Variants in TENM1 observed in about 807,000 individuals in gnomAD.
TENM1 encodes teneurin transmembrane protein 1.
A neutral mutation model predicts 174.8 loss-of-function variants in TENM1; 35 were observed. That is an observed-to-expected ratio of 0.20 (90% CI 0.15 to 0.27). TENM1 has a LOEUF of 0.27. TENM1 is among the 10% of genes least tolerant of loss of function. The probability of loss-of-function intolerance (pLI) is 1.00; values close to 1 mark genes in which losing one functional copy is unlikely to be tolerated. For missense variants in TENM1, 1,633 were observed against 2,130.1 expected (o/e 0.77, Z 4.59); for synonymous variants, 781 against 798.7 (o/e 0.98, Z 0.37).
chrX:125,003,578 G>A, the TENM1 span, among the ~76,000 whole-genome samples: 1 of 111,128 alleles, frequency 9.0e-6, no homozygotes, highest in Non-Finnish European at 1.9e-5. Context: ...GAGTTTGTGG[G>A]CTGCTTTATA....
At chrX:124,658,353 G>A (rs1199526973) in intron 6 of TENM1, among the ~76,000 whole-genome samples, 1 of 111,794 alleles carries the variant, frequency 8.9e-6, no homozygotes, top group Non-Finnish European at 1.9e-5. Flanking sequence ...TGCGCCTGGT[G>A]GGAACTTGGT....
intron 3 of TENM1, among the ~76,000 whole-genome samples, chrX:124,812,249 G>A (rs1189848775): frequency 9.0e-6 from 1 of 111,027 alleles, no homozygotes; most frequent in Admixed American, 9.6e-5. Flanking sequence ...AAAATCTCAT[G>A]TTGTACATGA....
intron 14 of TENM1, among the ~76,000 whole-genome samples, chrX:124,547,962 A>G (rs985431844): frequency 1.8e-5 from 2 of 111,370 alleles, no homozygotes; most frequent in Non-Finnish European, 3.8e-5. Context: ...TCAGCCTCCC[A>G]AGTAGCTGGG....
In TENM1 at chrX:124,926,228, G is replaced by A. The variant is rs60311601; in HGVS notation, c.218-29987C>T. 7.9e-3 allele frequency among the ~76,000 whole-genome samples: 882 copies of A among 112,124 alleles called. 7 individuals are homozygous for A. Among genetic ancestry groups the A allele is most frequent in the African/African-American group, 0.026 (804 of 30,914 alleles). On this transcript the variant is annotated intron_variant, in intron 1 of 31. Transcript: ENST00000422452. The stretch of plus-strand genomic sequence containing the variant: ...GGGATTTGAACTCAGGCAGATGCAA[G>A]TTGCAATTCTAACTCTGTCACATAA...
the TENM1 span, among the ~76,000 whole-genome samples, chrX:125,180,946 A>G: frequency 1.6e-4 from 18 of 111,536 alleles, no homozygotes; most frequent in Non-Finnish European, 2.3e-4. Flanking sequence ...CCACACTCAC[A>G]TGCCTGGTCC....
chrX:125,071,895 T>G, the TENM1 span, among the ~76,000 whole-genome samples: 1 of 111,209 alleles, frequency 9.0e-6, no homozygotes, highest in African/African-American at 3.3e-5. Context: ...TATATAAGTA[T>G]AAATATAATG....
chrX:125,083,346 T>C, the TENM1 span, among the ~76,000 whole-genome samples: 1 of 111,088 alleles, frequency 9.0e-6, no homozygotes, highest in Non-Finnish European at 1.9e-5. Context: ...ATCCTCCTTC[T>C]AGTCCAGTTT....
intron 26 of TENM1, 150 bp downstream of exon 29, chrX:124,406,167 G>A (rs1340332519): frequency 2.2e-6 from 1 of 465,009 alleles, no homozygotes; most frequent in African/African-American, 2.5e-5. Context: ...TGTGAATTTT[G>A]TCTGTGTTTC....
At chrX:124,406,567 C>T in intron 25 of TENM1, 78 bp from the exon 29 acceptor site, 1 of 623,879 alleles carries the variant, frequency 1.6e-6, no homozygotes, top group Middle Eastern at 5.6e-4. Context: ...AATCACTTGG[C>T]AGCTAATACA....
intron 1 of TENM1, among the ~76,000 whole-genome samples, chrX:124,933,417 A>G (rs974012574): frequency 8.9e-6 from 1 of 112,374 alleles, no homozygotes; most frequent in Non-Finnish European, 1.9e-5. Flanking sequence ...AAATCCAAAG[A>G]TTTATCAAGA....
chrX:124,451,307 T>G (rs1296374667), intron 23 of TENM1, among the ~76,000 whole-genome samples: 3 of 111,196 alleles, frequency 2.7e-5, no homozygotes, highest in African/African-American at 6.5e-5. Flanking sequence ...AAACACAGAT[T>G]TCCTAAATAA....
At chrX:124,769,417 C>T (rs1277482456) in intron 3 of TENM1, among the ~76,000 whole-genome samples, 1 of 111,707 alleles carries the variant, frequency 9.0e-6, no homozygotes, top group African/African-American at 3.2e-5. Flanking sequence ...TTCAGGCCAA[C>T]GTCAGTTTAC....
At chrX:124,418,645 T>C (rs1346692015) in intron 25 of TENM1, among the ~76,000 whole-genome samples, 2 of 111,865 alleles carry the variant, frequency 1.8e-5, no homozygotes, top group East Asian at 2.8e-4. Context: ...GCCTAGAACA[T>C]TGTATGGTAT....
intron 15 of TENM1, among the ~76,000 whole-genome samples, chrX:124,538,735 G>A (rs1467249277): frequency 9.0e-6 from 1 of 111,677 alleles, no homozygotes; most frequent in African/African-American, 3.2e-5. Flanking sequence ...AAATGTTTAT[G>A]TTGTCGACCT....
At chrX:124,651,003 C>T (rs531068276) in intron 8 of TENM1, among the ~76,000 whole-genome samples, 1 of 112,015 alleles carries the variant, frequency 8.9e-6, no homozygotes, top group East Asian at 2.8e-4. Flanking sequence ...GATGGTATAT[C>T]TATTAAAGTC....
intron 25 of TENM1, among the ~76,000 whole-genome samples, chrX:124,415,884 T>C (rs2060588483): frequency 9.0e-6 from 1 of 111,496 alleles, no homozygotes; most frequent in African/African-American, 3.3e-5. Context: ...AATTATCTTC[T>C]CTCTTCAGCA....
At chrX:124,883,857 C>T (rs2057340494) in intron 3 of TENM1, among the ~76,000 whole-genome samples, 1 of 111,168 alleles carries the variant, frequency 9.0e-6, no homozygotes, top group Admixed American at 9.5e-5. Flanking sequence ...GCAGGCAATC[C>T]TCACTCTCCT....
chrX:124,413,217 C>T (rs181441078), intron 25 of TENM1, among the ~76,000 whole-genome samples: 156 of 111,645 alleles, frequency 1.4e-3, no homozygotes, highest in African/African-American at 4.6e-3. Context: ...GGCTGCAGAC[C>T]CAGTTCATAT....
chrX:124,983,103 T>C, the TENM1 span, among the ~76,000 whole-genome samples: 2 of 112,314 alleles, frequency 1.8e-5, no homozygotes, highest in Non-Finnish European at 3.8e-5. Flanking sequence ...AATGGTCAGA[T>C]AGTAGAATTC....
Sources: gnomAD v4.1 joint callset for allele counts (sites outside exome capture counted in the v4.1 genomes callset) on GRCh38, gnomAD v4.1.1 for gene constraint, MANE v1.5 for transcripts, NCBI Gene and HGNC (gene_info 2026-07-23, HGNC 2026-07-21) for gene names.